Variants in CRACDL observed in about 807,000 individuals in gnomAD.
The protein encoded by CRACDL is CRACD like.
In CRACDL, 26 loss-of-function variants were observed where a neutral mutation model predicts 70.6. The ratio of observed to expected loss-of-function variants is 0.37; its 90% CI spans 0.27 to 0.51. The LOEUF (loss-of-function observed/expected upper bound fraction) is 0.51. CRACDL is among the 20% of genes least tolerant of loss of function. The pLI, the probability that CRACDL is intolerant of heterozygous loss-of-function variation, is 0.94. For missense variants in CRACDL, 1,283 were observed against 1,376.9 expected (o/e 0.93, Z 1.08); for synonymous variants, 618 against 615.2 (o/e 1.00, Z -0.07).
intron 1 of CRACDL, among the ~76,000 whole-genome samples, chr2:98,875,957 C>A (rs1707479536): frequency 6.6e-6 from 1 of 152,208 alleles, no homozygotes; most frequent in Non-Finnish European, 1.5e-5. Context: ...GGCCTGCCGG[C>A]CTGCTTGCTT....
chr2:98,924,668 GC>G (rs1326083898), intron 1 of CRACDL, among the ~76,000 whole-genome samples: 1 of 151,952 alleles, frequency 6.6e-6, no homozygotes, highest in African/African-American at 2.4e-5. Context: ...CCCCTAAGGG[GC>G]CCCCCCAGGG....
At chr2:98,872,216 G>A (rs1707368137) in intron 1 of CRACDL, among the ~76,000 whole-genome samples, 1 of 152,118 alleles carries the variant, frequency 6.6e-6, no homozygotes, top group Non-Finnish European at 1.5e-5. Context: ...AAATTAGCCG[G>A]GCGTGGTGGC....
chr2:98,863,447 G>C (rs559161861), intron 1 of CRACDL, among the ~76,000 whole-genome samples: 1 of 152,128 alleles, frequency 6.6e-6, no homozygotes, highest in South Asian at 2.1e-4. Context: ...TTAACTTGAA[G>C]GCATATAAAG....
At position 98,924,767 on chromosome 2, in the gene CRACDL, C is replaced by T. The variant is rs1471536099; in HGVS notation, c.-11+11171G>A. On this transcript the variant is annotated intron_variant, in intron 1 of 9. Coordinates refer to ENST00000397899, the MANE Select transcript of CRACDL (RefSeq NM_207362.3). Reference sequence around the variant, plus strand: ...GGCCCTGTCCAGCACCTCCACCCAGCAGGTCTTATTCCATTTTAACCAGGA... The same window carrying T: ...GGCCCTGTCCAGCACCTCCACCCAGTAGGTCTTATTCCATTTTAACCAGGA... 2.0e-5 allele frequency among the ~76,000 whole-genome samples: 3 copies of T among 152,206 alleles called. No homozygotes were observed. In the East Asian group the frequency reaches 5.8e-4, roughly 29 times the overall value.
At chr2:98,876,994 G>A (rs1015599326) in intron 1 of CRACDL, among the ~76,000 whole-genome samples, 5 of 152,232 alleles carry the variant, frequency 3.3e-5, no homozygotes, top group Non-Finnish European at 5.9e-5. Flanking sequence ...AAGCAAAAAT[G>A]CAACACCGGC....
At position 98,822,118 on chromosome 2, in the gene CRACDL, G is replaced by A; in HGVS notation, c.2155C>T (p.Leu719=). ...YSAEVRLERS[L]TVLPKEEKCP... ...TTCTCCTCCTTCGGGAGCACGGTCAGCGACCTTTCTAACCGGACCTCGGCA... is the reference window on the plus strand; with the variant it reads ...TTCTCCTCCTTCGGGAGCACGGTCAACGACCTTTCTAACCGGACCTCGGCA... Residue 719 remains leucine (L), a synonymous_variant, in exon 7 of 10, where the codon CTG becomes TTG. Coordinates refer to ENST00000397899, the MANE Select transcript of CRACDL (RefSeq NM_207362.3). This position sits in a 1 kb window ranked among gnomAD's most constrained non-coding sequence, Gnocchi z 4.9. The A allele has an allele frequency of 1.3e-6, 2 of 1,585,196 alleles. No individual in the cohort carries two copies. The highest frequency in any genetic ancestry group is 1.7e-6 in the Non-Finnish European group (2 of 1,165,826).
chr2:98,925,030 G>A lies in CRACDL; in HGVS notation c.-11+10908C>T, dbSNP rs532511589. On this transcript the variant is annotated intron_variant, in intron 1 of 9. Coordinates refer to ENST00000397899, the MANE Select transcript of CRACDL (RefSeq NM_207362.3). ...AAATAGCACGGGGCCCCACCAGGGT[G>A]CGGTCCAGGACGACCCAGCTCTCAG... is the stretch of plus-strand genomic sequence containing the variant. Among the ~76,000 whole-genome samples the A allele has an allele frequency of 2.0e-5, 3 of 152,354 alleles. No individual in the cohort carries two copies. In the South Asian group the frequency reaches 6.2e-4, roughly 32 times the overall value.
intron 1 of CRACDL, among the ~76,000 whole-genome samples, chr2:98,866,472 CTTCTTTTTTTTTTT>C (rs1707148049): frequency 9.3e-6 from 1 of 107,810 alleles, no homozygotes; most frequent in Non-Finnish European, 1.8e-5. Context: ...ACAATCACTT[CTTCTTTTTTTTTTT>C]TTTTTTTTTT....
At chr2:98,860,959 A>C (rs1706912173) in intron 1 of CRACDL, among the ~76,000 whole-genome samples, 2 of 152,250 alleles carry the variant, frequency 1.3e-5, no homozygotes, top group African/African-American at 4.8e-5. Flanking sequence ...TAACTTGCAC[A>C]AAGAAGGCAA....
chr2:98,873,269 C>T (rs1006318173), intron 1 of CRACDL, among the ~76,000 whole-genome samples: 6 of 152,142 alleles, frequency 3.9e-5, no homozygotes, highest in South Asian at 2.1e-4. Flanking sequence ...ACTTTTGCAC[C>T]GGCTCCCTTG....
At chr2:98,838,062 A>G in intron 3 of CRACDL, 57 bp downstream of exon 3, 3 of 1,437,826 alleles carry the variant, frequency 2.1e-6, no homozygotes, top group Non-Finnish European at 2.8e-6. Flanking sequence ...AGTTACCAGG[A>G]TAATGAAATC....
chr2:98,816,506 G>A (rs1227000149), intron 7 of CRACDL, among the ~76,000 whole-genome samples: 7 of 152,178 alleles, frequency 4.6e-5, no homozygotes, highest in Non-Finnish European at 7.3e-5. Context: ...AGGTGGCATT[G>A]ACAAATGGAA....
chr2:98,912,695 T>C (rs993031464), intron 1 of CRACDL: 2 of 152,440 alleles, frequency 1.3e-5, no homozygotes, highest in Admixed American at 1.3e-4. Flanking sequence ...GCTGAGCTAA[T>C]TCTGGGCTCC....
intron 7 of CRACDL, among the ~76,000 whole-genome samples, chr2:98,803,507 C>T (rs1187297920): frequency 6.6e-6 from 1 of 152,142 alleles, no homozygotes; most frequent in Non-Finnish European, 1.5e-5. Context: ...AGTACACAAG[C>T]ATATTGTACA....
chr2:98,845,476 G>T (rs1486448014), intron 2 of CRACDL, among the ~76,000 whole-genome samples: 1 of 152,014 alleles, frequency 6.6e-6, no homozygotes, highest in Non-Finnish European at 1.5e-5. Context: ...ATTACAGGTG[G>T]AAGCCGCTGT....
rs1190440130 is a variant in CRACDL at position 98,823,238 on chromosome 2, C to T, written c.1035G>A (p.Glu345=). Residue 345 remains glutamate, a synonymous_variant, in exon 7 of 10, where the codon GAG becomes GAA. Transcript: ENST00000397899. This position sits in a 1 kb window ranked among gnomAD's most constrained non-coding sequence, Gnocchi z 4.0. ...GCTCCACGCGGAGAGTGGGGGCCGA[C>T]TCGGGCTCGGCGAGCTCCGGGGTGG... ...RPATPELAEP[E]SAPTLRVEPP... 7.1e-7 allele frequency: 1 copy of T among 1,405,722 alleles called. No homozygotes were observed. Among genetic ancestry groups the T allele is most frequent in the Non-Finnish European group, 9.2e-7 (1 of 1,086,938 alleles). The allele number at this position is 1,405,722 out of a possible 1,614,324, so 87.1% of individuals were successfully genotyped here. A position where few individuals can be genotyped will look rare whatever the true frequency, so the allele number is the denominator to read the frequency against.
At chr2:98,795,077 A>ATATATATATATTTTTTTTTTTTTTTTTTT in intron 9 of CRACDL, among the ~76,000 whole-genome samples, 1 of 58,510 alleles carries the variant, frequency 1.7e-5, no homozygotes, top group African/African-American at 6.6e-5. Flanking sequence ...ATATATATAT[A>ATATATATATATTTTTTTTTTTTTTTTTTT]TTTTTTTTTT....
chr2:98,890,682 G>A (rs550583027), intron 1 of CRACDL, among the ~76,000 whole-genome samples: 2 of 152,278 alleles, frequency 1.3e-5, no homozygotes, highest in Admixed American at 6.5e-5. Context: ...TACCAGTTAA[G>A]CATTCCAAAT....
At chr2:98,871,086 CCT>C (rs1707329127) in intron 1 of CRACDL, among the ~76,000 whole-genome samples, 1 of 152,240 alleles carries the variant, frequency 6.6e-6, no homozygotes, top group East Asian at 1.9e-4. Flanking sequence ...ACACATGTTA[CCT>C]CTCTGCTCAA....
Sources: gnomAD v4.1 joint callset for allele counts (sites outside exome capture counted in the v4.1 genomes callset) on GRCh38, gnomAD v4.1.1 for gene constraint, Gnocchi (gnomAD v3.1) non-coding constraint, MANE v1.5 for transcripts, NCBI Gene and HGNC (gene_info 2026-07-23, HGNC 2026-07-21) for gene names.